Variants in KLHL29 observed in about 807,000 individuals in gnomAD.
The protein encoded by KLHL29 is kelch-like protein 29.
Under a neutral mutation model 80.4 loss-of-function variants are expected in KLHL29, and 21 were observed. The observed-to-expected ratio is 0.26, with a 90% CI of 0.19 to 0.38. The LOEUF is 0.38. KLHL29 is among the 10% of genes least tolerant of loss of function. The pLI, the probability that KLHL29 is intolerant of heterozygous loss-of-function variation, is 1.00. For missense variants in KLHL29, 867 were observed against 1,223.9 expected, an observed-to-expected ratio of 0.71 and a Z score of 4.35; for synonymous variants, 511 against 526.8, an observed-to-expected ratio of 0.97 and a Z score of 0.41.
chr2:23,646,173 C>T (rs1019086876), intron 5 of KLHL29, among the ~76,000 whole-genome samples: 4 of 151,564 alleles, frequency 2.6e-5, no homozygotes, highest in East Asian at 1.9e-4. Context: ...ACATTTGTCT[C>T]GTTGTTGGAT....
At chr2:23,624,042 G>C (rs1203010230) in intron 3 of KLHL29, among the ~76,000 whole-genome samples, 3 of 152,148 alleles carry the variant, frequency 2.0e-5, no homozygotes, top group African/African-American at 7.2e-5. Flanking sequence ...TGGGTTGGCT[G>C]GGCTTACTTG....
chr2:23,535,246 G>T (rs1414373786), intron 2 of KLHL29, among the ~76,000 whole-genome samples: 1 of 152,226 alleles, frequency 6.6e-6, no homozygotes, highest in Non-Finnish European at 1.5e-5. Flanking sequence ...AACAGTCTCT[G>T]CATTTGTGGA....
chr2:23,574,314 G>A (rs1667789900), intron 3 of KLHL29, among the ~76,000 whole-genome samples: 1 of 152,148 alleles, frequency 6.6e-6, no homozygotes, highest in South Asian at 2.1e-4. Flanking sequence ...CTGGAGTCAG[G>A]AGGTGGCGGT....
At chr2:23,451,803 T>C (rs188037178) in intron 1 of KLHL29, among the ~76,000 whole-genome samples, 4 of 152,318 alleles carry the variant, frequency 2.6e-5, no homozygotes, top group African/African-American at 7.2e-5. Flanking sequence ...TAGTCCATTC[T>C]TTAGTTGCTA....
At chr2:23,513,818 C>G (rs189437281) in intron 2 of KLHL29, among the ~76,000 whole-genome samples, 7 of 152,294 alleles carry the variant, frequency 4.6e-5, no homozygotes, top group South Asian at 2.1e-4. Context: ...AAGGCTCCAT[C>G]TATAGACTTT....
At position 23,596,247 on chromosome 2, in the gene KLHL29, C is replaced by T. The variant is rs889392355; in HGVS notation, c.285+33766C>T. On this transcript the variant is annotated intron_variant, in intron 3 of 13. Coordinates refer to ENST00000486442, the MANE Select transcript of KLHL29 (RefSeq NM_052920.2). The surrounding 1 kb of genome is among the most constrained non-coding windows in gnomAD (Gnocchi z 4.4). The stretch of plus-strand genomic sequence containing the variant: ...TTGACCCTGCCAGGCAGCTGCAGCC[C>T]TATCCCTTAGGGTTGTTGGCAGATT... Among the ~76,000 whole-genome samples, 1 of 152,216 alleles carries T rather than the reference C, an allele frequency of 6.6e-6. No individual in the cohort carries two copies. Among genetic ancestry groups the T allele is most frequent in the Non-Finnish European group, 1.5e-5 (1 of 68,030 alleles).
chr2:23,497,266 G>A (rs1665295625), intron 2 of KLHL29, among the ~76,000 whole-genome samples: 1 of 152,094 alleles, frequency 6.6e-6, no homozygotes, highest in South Asian at 2.1e-4. Flanking sequence ...TTTCCTCCTT[G>A]GCAATCTCTC....
rs1197222374 is a variant in KLHL29, at chr2:23,706,803, T to A, written c.*139T>A. ...TCACTGCGCTCAACATGTTGAATAT[T>A]CTCTACATTGAATGTAGAAAATCAT... On this transcript the variant is annotated 3_prime_UTR_variant, in exon 14 of 14. Transcript: ENST00000486442. 6.7e-6 allele frequency: 4 copies of A among 597,342 alleles called. No homozygotes were observed. Among genetic ancestry groups the A allele is most frequent in the Non-Finnish European group, 1.1e-5 (4 of 360,494 alleles). The allele number at this position is 597,342 out of a possible 1,614,324, so 37.0% of individuals were successfully genotyped here.
chr2:23,451,065 T>C (rs192964603), intron 1 of KLHL29, among the ~76,000 whole-genome samples: 161 of 152,380 alleles, frequency 1.1e-3, no homozygotes, highest in Non-Finnish European at 1.9e-3. Flanking sequence ...GACTTAATTC[T>C]TTCACTTAGC....
At position 23,684,353 on chromosome 2, in the gene KLHL29, A is replaced by G. The variant is rs1185752816; in HGVS notation, c.941-46A>G. The G allele has an allele frequency of 7.6e-7, 1 of 1,320,030 alleles. No individual in the cohort carries two copies. The highest frequency in any genetic ancestry group is 9.8e-7 in the Non-Finnish European group (1 of 1,021,096). The allele number at this position is 1,320,030 out of a possible 1,614,324, so 81.8% of individuals were successfully genotyped here. A position where few individuals can be genotyped will look rare whatever the true frequency, so the allele number is the denominator to read the frequency against. On this transcript the variant is annotated intron_variant, in intron 5 of 13. Transcript: ENST00000486442. This position sits in a 1 kb window ranked among gnomAD's most constrained non-coding sequence, Gnocchi z 4.4. ...AACTTTTTTTAATTAAAAAAAAAAA[A>G]ACTCTTAATGGGAACCTGGCCCTGT...
intron 5 of KLHL29, among the ~76,000 whole-genome samples, chr2:23,675,415 C>T (rs1670732123): frequency 6.6e-6 from 1 of 152,174 alleles, no homozygotes; most frequent in African/African-American, 2.4e-5. Context: ...CCCTGTCCTC[C>T]TCCGTTCCTT....
intron 1 of KLHL29, among the ~76,000 whole-genome samples, chr2:23,387,559 A>G (rs1439824851): frequency 6.6e-6 from 1 of 151,016 alleles, no homozygotes; most frequent in Non-Finnish European, 1.5e-5. Context: ...GAAAGAAGGT[A>G]TAGAGCTTTT....
chr2:23,414,247 T>C (rs1666930999), intron 1 of KLHL29, among the ~76,000 whole-genome samples: 2 of 152,162 alleles, frequency 1.3e-5, no homozygotes, highest in Non-Finnish European at 2.9e-5. Context: ...TGTGCAAAGC[T>C]TCCTGTGAGC....
intron 2 of KLHL29, among the ~76,000 whole-genome samples, chr2:23,484,333 G>A (rs141578855): frequency 3.3e-5 from 5 of 152,354 alleles, no homozygotes; most frequent in African/African-American, 1.2e-4. Flanking sequence ...ACGTAGCCTA[G>A]CAGTCCTCAC....
In KLHL29 at chr2:23,579,651, C is replaced by T. The variant is rs117559077; in HGVS notation, c.285+17170C>T. ...ATCTCACTTGAGGGGACAGAAATTG[C>T]CTCTTCTAGCTTCCTGCCTCCAATC... On this transcript the variant is annotated intron_variant, in intron 3 of 13. Coordinates refer to ENST00000486442, the MANE Select transcript of KLHL29 (RefSeq NM_052920.2). Among the ~76,000 whole-genome samples the T allele has an allele frequency of 7.2e-5, 11 of 152,288 alleles. No homozygotes were observed. In the East Asian group the frequency reaches 2.1e-3, roughly 29 times the overall value.
At chr2:23,692,180 T>C (rs1671654574) in intron 7 of KLHL29, among the ~76,000 whole-genome samples, 1 of 152,214 alleles carries the variant, frequency 6.6e-6, no homozygotes, top group Non-Finnish European at 1.5e-5. Context: ...TGTGCTCTGT[T>C]TGTGGGGAAA....
intron 2 of KLHL29, among the ~76,000 whole-genome samples, chr2:23,488,131 C>T (rs1178588745): frequency 6.6e-6 from 1 of 152,246 alleles, no homozygotes; most frequent in Non-Finnish European, 1.5e-5. Flanking sequence ...ACGGGAGGCA[C>T]TGGCCCCGTC....
At chr2:23,392,653 A>G (rs1451676602) in intron 1 of KLHL29, among the ~76,000 whole-genome samples, 3 of 152,224 alleles carry the variant, frequency 2.0e-5, no homozygotes, top group Non-Finnish European at 2.9e-5. Flanking sequence ...CAACTGGCCC[A>G]AGGCCACAAA....
chr2:23,621,977 A>G (rs1202320471), intron 3 of KLHL29, among the ~76,000 whole-genome samples: 3 of 152,242 alleles, frequency 2.0e-5, no homozygotes, highest in East Asian at 1.9e-4. Context: ...GTGAGAGAGA[A>G]AGTCTGGTCC....
Sources: gnomAD v4.1 joint callset for allele counts (sites outside exome capture counted in the v4.1 genomes callset) on GRCh38, gnomAD v4.1.1 for gene constraint, Gnocchi (gnomAD v3.1) non-coding constraint, MANE v1.5 for transcripts, NCBI Gene and HGNC (gene_info 2026-07-23, HGNC 2026-07-21) for gene names.